Variants in NUDCD2 observed in about 807,000 individuals in gnomAD.
The protein encoded by NUDCD2 is nudC domain-containing protein 2.
NUDCD2 carries 16 observed loss-of-function variants against 20.8 expected under a neutral mutation model. The ratio of observed to expected loss-of-function variants is 0.77; its 90% CI spans 0.52 to 1.17. NUDCD2 has a LOEUF of 1.17. Among genes scored for constraint, NUDCD2 ranks in the 50% most tolerant of loss-of-function variants. NUDCD2 has a pLI of 0.00. For synonymous variants in NUDCD2, 87 were observed against 72.8 expected (o/e 1.20, Z -1.00); for missense variants, 199 against 193.9 (o/e 1.03, Z -0.16).
In NUDCD2 at chr5:163,447,515, C is replaced by T. The variant is rs1758068701; in HGVS notation, c.*6452G>A. ...GGAGGACTGGACAAATCTTCATTTA[C>T]AGTTGGAAACTTAAACATTCCTCTC... On this transcript the variant is annotated 3_prime_UTR_variant, in exon 4 of 4. Transcript: ENST00000302764. 1 of 150,258 alleles carries T rather than the reference C, an allele frequency of 6.7e-6. No homozygotes were observed. Among genetic ancestry groups the T allele is most frequent in the Admixed American group, 6.6e-5 (1 of 15,106 alleles). The allele number at this position is 150,258 out of a possible 1,614,324, so 9.3% of individuals were successfully genotyped here.
At chr5:163,454,495 C>G (rs1405817593) in intron 3 of NUDCD2, among the ~76,000 whole-genome samples, 1 of 152,134 alleles carries the variant, frequency 6.6e-6, no homozygotes, top group Non-Finnish European at 1.5e-5. Flanking sequence ...GCATGTACCA[C>G]CATGCCTGGC....
chr5:163,460,085 G>T lies in NUDCD2; in HGVS notation c.-35C>A, dbSNP rs571548296. ...CCTCCCGGCCGCGGCCGCACCAGGC[G>T]GAGCCGAGCGCACGCGCGGAATCCC... On this transcript the variant is annotated 5_prime_UTR_variant, in exon 1 of 4. Transcript: ENST00000302764. 2.0e-6 allele frequency: 3 copies of T among 1,505,890 alleles called. No homozygotes were observed. The highest frequency in any genetic ancestry group is 2.7e-6 in the Non-Finnish European group (3 of 1,128,036). The allele number at this position is 1,505,890 out of a possible 1,614,324, so 93.3% of individuals were successfully genotyped here.
At chr5:163,455,352 G>C (rs1164945670) in intron 3 of NUDCD2, among the ~76,000 whole-genome samples, 1 of 152,204 alleles carries the variant, frequency 6.6e-6, no homozygotes, top group Non-Finnish European at 1.5e-5. Flanking sequence ...ATCACTAAGA[G>C]GGATAGCTGT....
chr5:163,449,882 T>C lies in NUDCD2; in HGVS notation c.*4085A>G, dbSNP rs994402593. The C allele has an allele frequency of 1.4e-4, 21 of 152,086 alleles. No homozygotes were observed. The highest frequency in any genetic ancestry group is 5.1e-4 in the African/African-American group (21 of 41,392). 9.4% of individuals were successfully genotyped at this position (152,086 alleles called of 1,614,324 possible). A position where few individuals can be genotyped will look rare whatever the true frequency, so the allele number is the denominator to read the frequency against. ...TGCAAAAAAATAAACCTACCTAAATTTCACAGCTTATACAAAAATTAACCT... is the reference window on the plus strand; with the variant it reads ...TGCAAAAAAATAAACCTACCTAAATCTCACAGCTTATACAAAAATTAACCT... On this transcript the variant is annotated 3_prime_UTR_variant, in exon 4 of 4. Coordinates refer to ENST00000302764, the MANE Select transcript of NUDCD2 (RefSeq NM_145266.6).
chr5:163,454,045 A>G lies in NUDCD2; in HGVS notation c.396T>C (p.Pro132=), dbSNP rs1758241965. The part of the protein sequence containing the change: ...LTLERFQKEN[P]GFDFSGAEIS... Reference sequence around the variant, plus strand: ...TTTCTGCTCCACTGAAGTCAAAACCAGGATTCTAAAAGATACAAACATATA... The same window carrying G: ...TTTCTGCTCCACTGAAGTCAAAACCGGGATTCTAAAAGATACAAACATATA... Residue 132 remains proline, a synonymous_variant, in exon 4 of 4, where the codon CCT becomes CCC. Coordinates refer to ENST00000302764, the MANE Select transcript of NUDCD2 (RefSeq NM_145266.6). 1.3e-6 allele frequency: 2 copies of G among 1,539,866 alleles called. No homozygotes were observed. The highest frequency in any genetic ancestry group is 3.6e-5 in the Admixed American group (2 of 54,890).
chr5:163,455,540 G>A (rs1758280403), intron 3 of NUDCD2, among the ~76,000 whole-genome samples: 1 of 152,188 alleles, frequency 6.6e-6, no homozygotes. Context: ...AAGGCGGGCG[G>A]ATCACGAGGT....
Position 163,454,772 on chromosome 5 carries a change from T to C in NUDCD2, c.391-722A>G, listed in dbSNP as rs184843847. On this transcript the variant is annotated intron_variant, in intron 3 of 3. Transcript: ENST00000302764. ...AGGCCTTAGTCTTTTTGGTGGGCTA[T>C]TTCGTTTATCCAACAAACATTTGTT... 1.7e-4 allele frequency among the ~76,000 whole-genome samples: 26 copies of C among 152,310 alleles called. No individual in the cohort carries two copies. The East Asian group carries it at 4.6e-3, about 27-fold the overall frequency.
chr5:163,460,001 G>C lies in NUDCD2; in HGVS notation c.50C>G (p.Pro17Arg), dbSNP rs758238055. The C allele has an allele frequency of 1.9e-6, 3 of 1,612,956 alleles. No individual in the cohort carries two copies. The highest frequency in any genetic ancestry group is 1.1e-5 in the South Asian group (1 of 91,040). ...ERSGVVPCGT[P>R]WGQWYQTLEE... ...CAAGGTCTGGTACCACTGGCCCCAC[G>C]GGGTCCCGCACGGTACCACCCCACT... Residue 17 changes from proline (P) to arginine (R), a missense_variant, in exon 1 of 4, where the codon CCG becomes CGG. By Grantham distance (103) the Pro-to-Arg change is moderately radical (BLOSUM62 -2). Coordinates refer to ENST00000302764, the MANE Select transcript of NUDCD2 (RefSeq NM_145266.6).
Position 163,451,712 on chromosome 5 carries a change from G to A in NUDCD2, c.*2255C>T, listed in dbSNP as rs538688629. ...GACATTCCTGCTCAGCATAGGATGCGAAGCCTAAGCAGGGTGAGGAAGACA... is the reference window on the plus strand; with the variant it reads ...GACATTCCTGCTCAGCATAGGATGCAAAGCCTAAGCAGGGTGAGGAAGACA... On this transcript the variant is annotated 3_prime_UTR_variant, in exon 4 of 4. Transcript: ENST00000302764. 23 of 152,374 alleles carry A rather than the reference G, an allele frequency of 1.5e-4. No homozygotes were observed. Among genetic ancestry groups the A allele is most frequent in the African/African-American group, 5.5e-4 (23 of 41,570 alleles). 9.4% of individuals were successfully genotyped at this position (152,374 alleles called of 1,614,324 possible). A position where few individuals can be genotyped will look rare whatever the true frequency, so the allele number is the denominator to read the frequency against.
rs1758446705 is a variant in NUDCD2, at chr5:163,460,018, C to T, written c.33G>A (p.Val11=). MSAPFEERSG[V]VPCGTPWGQW... is the part of the protein sequence containing the mutation. ...GGCCCCACGGGGTCCCGCACGGTAC[C>T]ACCCCACTCCGCTCCTCAAACGGGG... is the stretch of plus-strand genomic sequence containing the variant. Residue 11 remains valine, a synonymous_variant, in exon 1 of 4, where the codon GTG becomes GTA. Transcript: ENST00000302764. The T allele has an allele frequency of 3.1e-6, 5 of 1,602,834 alleles. No homozygotes were observed. In the African/African-American group the frequency reaches 5.4e-5, roughly 17 times the overall value.
rs1021582159 is a variant in NUDCD2 at position 163,453,840 on chromosome 5, C to G, written c.*127G>C. On this transcript the variant is annotated 3_prime_UTR_variant, in exon 4 of 4. Coordinates refer to ENST00000302764, the MANE Select transcript of NUDCD2 (RefSeq NM_145266.6). Reference sequence around the variant, plus strand: ...TATGTTTGAATGCAATTTTTAGAACCATTTTAAGATACATTTTGCAATCTG... The same window carrying G: ...TATGTTTGAATGCAATTTTTAGAACGATTTTAAGATACATTTTGCAATCTG... The G allele has an allele frequency of 2.2e-6, 1 of 448,766 alleles. No homozygotes were observed. The highest frequency in any genetic ancestry group is 4.1e-6 in the Non-Finnish European group (1 of 245,434). 27.8% of individuals were successfully genotyped at this position (448,766 alleles called of 1,614,324 possible).
chr5:163,447,543 A>G lies in NUDCD2; in HGVS notation c.*6424T>C, dbSNP rs1409036249. The stretch of plus-strand genomic sequence containing the variant: ...TTGGAAACTTAAACATTCCTCTCTC[A>G]GTAGTCCATAGAATTAATAGAAAAT... On this transcript the variant is annotated 3_prime_UTR_variant, in exon 4 of 4. Transcript: ENST00000302764. The G allele has an allele frequency of 6.6e-6, 1 of 152,190 alleles. No individual in the cohort carries two copies. The highest frequency in any genetic ancestry group is 1.5e-5 in the Non-Finnish European group (1 of 68,032). The allele number at this position is 152,190 out of a possible 1,614,324, so 9.4% of individuals were successfully genotyped here. A position where few individuals can be genotyped will look rare whatever the true frequency, so the allele number is the denominator to read the frequency against.
At chr5:163,457,853 A>C (rs1197624449) in intron 1 of NUDCD2, among the ~76,000 whole-genome samples, 1 of 152,118 alleles carries the variant, frequency 6.6e-6, no homozygotes, top group Non-Finnish European at 1.5e-5. Context: ...AGGGCTCCTT[A>C]ATTTTTAGAA....
chr5:163,454,541 A>G (rs994021550), intron 3 of NUDCD2, among the ~76,000 whole-genome samples: 2 of 152,050 alleles, frequency 1.3e-5, no homozygotes, highest in Non-Finnish European at 1.5e-5. Context: ...GGGTTTCTCC[A>G]TGTTGGTCAG....
chr5:163,452,044 A>G lies in NUDCD2; in HGVS notation c.*1923T>C, dbSNP rs1758190900. ...CTCCAGTCTGGGCAACAAGAGTGAA[A>G]CTCCACCTTAAAAAAAAAAAACCCC... On this transcript the variant is annotated 3_prime_UTR_variant, in exon 4 of 4. Coordinates refer to ENST00000302764, the MANE Select transcript of NUDCD2 (RefSeq NM_145266.6). The G allele has an allele frequency of 6.6e-6, 1 of 151,468 alleles. No homozygotes were observed. The highest frequency in any genetic ancestry group is 1.5e-5 in the Non-Finnish European group (1 of 67,904). 9.4% of individuals were successfully genotyped at this position (151,468 alleles called of 1,614,324 possible). A position where few individuals can be genotyped will look rare whatever the true frequency, so the allele number is the denominator to read the frequency against.
chr5:163,447,200 C>T lies in NUDCD2; in HGVS notation c.*6767G>A, dbSNP rs1486902727. The T allele has an allele frequency of 6.6e-6, 1 of 152,522 alleles. No individual in the cohort carries two copies. Among genetic ancestry groups the T allele is most frequent in the African/African-American group, 2.4e-5 (1 of 41,402 alleles). 9.4% of individuals were successfully genotyped at this position (152,522 alleles called of 1,614,324 possible). A position where few individuals can be genotyped will look rare whatever the true frequency, so the allele number is the denominator to read the frequency against. On this transcript the variant is annotated 3_prime_UTR_variant, in exon 4 of 4. Transcript: ENST00000302764. ...CAGAGACTCATTCATTCCTGTAATT[C>T]CAATGCTTTGGGAAGCCAAGGTGGG... is the stretch of plus-strand genomic sequence containing the variant.
At chr5:163,459,229 T>TA (rs1758407066) in intron 1 of NUDCD2, 1 of 152,204 alleles carries the variant, frequency 6.6e-6, no homozygotes, top group African/African-American at 2.4e-5. Context: ...TTCAACCTGT[T>TA]AGTTTAATTA....
Position 163,457,607 on chromosome 5 carries a change from T to G in NUDCD2, c.193A>C (p.Lys65Gln). The change falls in exon 2 of 4, where the codon AAA becomes CAA. Residue 65 changes from lysine (K) to glutamine (Q), a missense_variant. By Grantham distance (53) the Lys-to-Gln change is moderately conservative. Coordinates refer to ENST00000302764, the MANE Select transcript of NUDCD2 (RefSeq NM_145266.6). ...SVGGREILKG[K>Q]LFDSTIADEG... ...TCAGCTATTGTAGAATCAAAGAGTT[T>G]GCCCTGAAAAATAAACATATAAGGT... 1.3e-6 allele frequency: 2 copies of G among 1,583,016 alleles called. No homozygotes were observed. Among genetic ancestry groups the G allele is most frequent in the Non-Finnish European group, 8.7e-7 (1 of 1,152,358 alleles).
Position 163,457,030 on chromosome 5 carries a change from C to A in NUDCD2, c.289G>T (p.Ala97Ser). The change falls in exon 3 of 4, where the codon GCA (alanine) becomes TCA (serine). Residue 97 changes from alanine (A) to serine (S), a missense_variant. Ala to Ser is a moderately conservative substitution (Grantham distance 99). Transcript: ENST00000302764. ...TCTAGTAGAGAAGTCCAACAATTTG[C>A]TGCATCTCTCTTTGTCTTTGTAAGA... ...IVLTKTKRDA[A>S]NCWTSLLESE... 2 of 1,613,302 alleles carry A rather than the reference C, an allele frequency of 1.2e-6. No homozygotes were observed. Among genetic ancestry groups the A allele is most frequent in the Non-Finnish European group, 1.7e-6 (2 of 1,179,754 alleles).
Sources: gnomAD v4.1 joint callset for allele counts (sites outside exome capture counted in the v4.1 genomes callset) on GRCh38, gnomAD v4.1.1 for gene constraint, MANE v1.5 for transcripts, NCBI Gene and HGNC (gene_info 2026-07-23, HGNC 2026-07-21) for gene names.